Variants in FBXL7 observed in about 807,000 individuals in gnomAD.
FBXL7 encodes F-box and leucine rich repeat protein 7.
A neutral mutation model predicts 38.3 loss-of-function variants in FBXL7; 12 were observed. The ratio of observed to expected loss-of-function variants is 0.31; its 90% CI spans 0.20 to 0.51. The LOEUF is 0.51. Ranked by LOEUF, FBXL7 falls within the 20% of genes least tolerant of loss-of-function variation. FBXL7 has a pLI of 0.98. For missense variants in FBXL7, 567 were observed against 676.4 expected (o/e 0.84, Z 1.79); for synonymous variants, 297 against 300.9 (o/e 0.99, Z 0.13).
intron 2 of FBXL7, among the ~76,000 whole-genome samples, chr5:15,685,117 C>G (rs559463382): frequency 6.6e-6 from 1 of 152,134 alleles, no homozygotes; most frequent in East Asian, 1.9e-4. Flanking sequence ...ACCTGATAGA[C>G]AGAAGTATCT....
At chr5:15,753,803 A>G (rs1736217617) in intron 2 of FBXL7, among the ~76,000 whole-genome samples, 1 of 152,216 alleles carries the variant, frequency 6.6e-6, no homozygotes, top group South Asian at 2.1e-4. Flanking sequence ...TCTTACATTT[A>G]TTAGCATATA....
chr5:15,666,900 T>C (rs569776604), intron 2 of FBXL7, among the ~76,000 whole-genome samples: 1 of 152,358 alleles, frequency 6.6e-6, no homozygotes, highest in East Asian at 1.9e-4. Context: ...GAAGAGCTTT[T>C]AGCCCTGCCT....
intron 2 of FBXL7, among the ~76,000 whole-genome samples, chr5:15,887,467 C>T (rs1740723681): frequency 6.6e-6 from 1 of 152,192 alleles, no homozygotes; most frequent in African/African-American, 2.4e-5. Flanking sequence ...TTTGCACATA[C>T]ATAGGAATTG....
At position 15,616,080 on chromosome 5, in the gene FBXL7, GC is replaced by G; in HGVS notation, c.127+9del. 1 of 1,599,392 alleles carries G rather than the reference GC, an allele frequency of 6.3e-7. No homozygotes were observed. The highest frequency in any genetic ancestry group is 8.6e-7 in the Non-Finnish European group (1 of 1,168,118). On this transcript the variant is annotated intron_variant, in intron 2 of 3. Transcript: ENST00000504595. ...ATGTGGCTACCAGCGAAGGTAGGCAGCTGGTCTTCATTATCTCTCTTTCTTC... is the reference window on the plus strand; with the variant it reads ...ATGTGGCTACCAGCGAAGGTAGGCAGTGGTCTTCATTATCTCTCTTTCTTC...
At chr5:15,805,387 A>G (rs571315599) in intron 2 of FBXL7, among the ~76,000 whole-genome samples, 1 of 152,302 alleles carries the variant, frequency 6.6e-6, no homozygotes, top group African/African-American at 2.4e-5. Flanking sequence ...CTCTTCCCAA[A>G]TAGATATCCA....
intron 2 of FBXL7, among the ~76,000 whole-genome samples, chr5:15,647,669 T>G (rs1045985079): frequency 7.9e-5 from 12 of 152,346 alleles, no homozygotes; most frequent in African/African-American, 2.9e-4. Flanking sequence ...AGAACACTTT[T>G]TAATCTAATT....
At chr5:15,781,256 G>A (rs910947336) in intron 2 of FBXL7, among the ~76,000 whole-genome samples, 12 of 152,246 alleles carry the variant, frequency 7.9e-5, no homozygotes, top group Admixed American at 5.9e-4. Context: ...ATTGAAGCAA[G>A]TGATAACGAG....
chr5:15,552,240 G>A lies in FBXL7; in HGVS notation c.37+51527G>A, dbSNP rs78862559. On this transcript the variant is annotated intron_variant, in intron 1 of 3. Coordinates refer to ENST00000504595, the MANE Select transcript of FBXL7 (RefSeq NM_012304.5). ...TGAATGCCATTGGCCACTTCTTCCT[G>A]TCCTGGTAGAAATACTTTTATCCTC... Among the ~76,000 whole-genome samples, 11 of 152,214 alleles carry A rather than the reference G, an allele frequency of 7.2e-5. No individual in the cohort carries two copies. The East Asian group carries it at 1.9e-3, about 27-fold the overall frequency.
chr5:15,568,947 A>AGC (rs1454207323), intron 1 of FBXL7, among the ~76,000 whole-genome samples: 1 of 152,096 alleles, frequency 6.6e-6, no homozygotes, highest in African/African-American at 2.4e-5. Flanking sequence ...CCATTGGTCT[A>AGC]TATCTCTGTT....
chr5:15,662,247 G>A (rs1172945300), intron 2 of FBXL7, among the ~76,000 whole-genome samples: 1 of 152,134 alleles, frequency 6.6e-6, no homozygotes, highest in Non-Finnish European at 1.5e-5. Flanking sequence ...CTAATGATCA[G>A]TGATATTGTG....
chr5:15,858,626 T>C (rs1178291577), intron 2 of FBXL7, among the ~76,000 whole-genome samples: 1 of 152,212 alleles, frequency 6.6e-6, no homozygotes, highest in East Asian at 1.9e-4. Context: ...TGTACTGATA[T>C]GTCTTCAGTA....
intron 2 of FBXL7, among the ~76,000 whole-genome samples, chr5:15,686,737 T>C (rs903253801): frequency 1.2e-4 from 18 of 152,224 alleles, no homozygotes; most frequent in Non-Finnish European, 1.0e-4. Flanking sequence ...AGTTACTAGA[T>C]TTTTAATAGC....
chr5:15,753,206 A>T lies in FBXL7; in HGVS notation c.127+137134A>T, dbSNP rs903758646. Reference sequence around the variant, plus strand: ...TTTTTTTCCCCGTATAGTGCTTGTGACTGATGAATTCAATGAGCGCTTCAA... The same window carrying T: ...TTTTTTTCCCCGTATAGTGCTTGTGTCTGATGAATTCAATGAGCGCTTCAA... On this transcript the variant is annotated intron_variant, in intron 2 of 3. Coordinates refer to ENST00000504595, the MANE Select transcript of FBXL7 (RefSeq NM_012304.5). 2.0e-5 allele frequency among the ~76,000 whole-genome samples: 3 copies of T among 151,948 alleles called. No individual in the cohort carries two copies. In the East Asian group the frequency reaches 5.8e-4, roughly 29 times the overall value.
Position 15,741,341 on chromosome 5 carries a change from G to A in FBXL7, c.127+125269G>A, listed in dbSNP as rs927294406. Among the ~76,000 whole-genome samples the A allele has an allele frequency of 6.6e-5, 10 of 152,070 alleles. No homozygotes were observed. The South Asian group carries it at 1.5e-3, about 22-fold the overall frequency. Reference sequence around the variant, plus strand: ...TATATGAAACATGAGATCTACTTCCGTTGGTGATTTACCCATTGGATACAT... The same window carrying A: ...TATATGAAACATGAGATCTACTTCCATTGGTGATTTACCCATTGGATACAT... On this transcript the variant is annotated intron_variant, in intron 2 of 3. Transcript: ENST00000504595.
intron 2 of FBXL7, among the ~76,000 whole-genome samples, chr5:15,902,805 C>T (rs143735154): frequency 0.014 from 2,198 of 152,310 alleles, 28 homozygotes; most frequent in Middle Eastern, 0.037. Context: ...GTCAGTCCTT[C>T]GGGGTGGATT....
chr5:15,884,979 C>T (rs1265750290), intron 2 of FBXL7, among the ~76,000 whole-genome samples: 1 of 152,164 alleles, frequency 6.6e-6, no homozygotes, highest in African/African-American at 2.4e-5. Flanking sequence ...ACAAATTACC[C>T]CAAACTTGGG....
At chr5:15,850,425 G>A (rs527260497) in intron 2 of FBXL7, among the ~76,000 whole-genome samples, 4 of 152,282 alleles carry the variant, frequency 2.6e-5, no homozygotes, top group East Asian at 1.9e-4. Flanking sequence ...CACAGCTTCC[G>A]TAGAGAAAGG....
intron 2 of FBXL7, among the ~76,000 whole-genome samples, chr5:15,798,000 C>T (rs1042712140): frequency 2.4e-4 from 37 of 152,062 alleles, no homozygotes; most frequent in African/African-American, 8.5e-4. Flanking sequence ...CCTATTTCTC[C>T]ATTAATATAG....
At position 15,618,588 on chromosome 5, in the gene FBXL7, G is replaced by C. The variant is rs1243771493; in HGVS notation, c.127+2516G>C. Among the ~76,000 whole-genome samples the C allele has an allele frequency of 2.6e-5, 4 of 152,292 alleles. No individual in the cohort carries two copies. The East Asian group carries it at 7.7e-4, about 29-fold the overall frequency. Reference sequence around the variant, plus strand: ...GTGCTAATTTCCTCCACGCACAGGAGACATAGTCTCAGGAAGAGACCATTC... The same window carrying C: ...GTGCTAATTTCCTCCACGCACAGGACACATAGTCTCAGGAAGAGACCATTC... On this transcript the variant is annotated intron_variant, in intron 2 of 3. Coordinates refer to ENST00000504595, the MANE Select transcript of FBXL7 (RefSeq NM_012304.5).
Sources: gnomAD v4.1 joint callset for allele counts (sites outside exome capture counted in the v4.1 genomes callset) on GRCh38, gnomAD v4.1.1 for gene constraint, MANE v1.5 for transcripts, NCBI Gene and HGNC (gene_info 2026-07-23, HGNC 2026-07-21) for gene names.